Variants in ASPRV1 observed in about 807,000 individuals in gnomAD.
The protein encoded by ASPRV1 is retroviral-like aspartic protease 1.
In ASPRV1, 7 loss-of-function variants were observed where a neutral mutation model predicts 11.0. That is an observed-to-expected ratio of 0.64 (90% CI 0.36 to 1.20). The LOEUF is 1.20. ASPRV1 is among the 50% of genes most tolerant of loss of function. The pLI is 0.02. For missense variants in ASPRV1, 299 were observed against 320.0 expected, an observed-to-expected ratio of 0.93 and a Z score of 0.50; for synonymous variants, 136 against 138.4, an observed-to-expected ratio of 0.98 and a Z score of 0.12.
chr2:69,991,213 G>A, the ASPRV1 span, among the ~76,000 whole-genome samples: 2 of 152,120 alleles, frequency 1.3e-5, no homozygotes, highest in Non-Finnish European at 2.9e-5. Context: ...ACGGGCAGTT[G>A]GCCCAAGAAG....
At chr2:69,953,701 T>A in the ASPRV1 span, among the ~76,000 whole-genome samples, 1 of 140,196 alleles carries the variant, frequency 7.1e-6, no homozygotes, top group African/African-American at 2.9e-5. Context: ...ATTTTCTTTT[T>A]TTTTCTTTTT....
chr2:70,080,785 A>T, the ASPRV1 span: 1 of 152,234 alleles, frequency 6.6e-6, no homozygotes, highest in African/African-American at 2.4e-5. Context: ...AACATCCTTC[A>T]TTCATATCTT....
the ASPRV1 span, among the ~76,000 whole-genome samples, chr2:70,055,146 T>C: frequency 1.3e-5 from 2 of 151,802 alleles, no homozygotes; most frequent in African/African-American, 4.8e-5. Flanking sequence ...CTATTAAAAA[T>C]ACAAAAATTA....
At chr2:69,943,254 G>T in the ASPRV1 span, among the ~76,000 whole-genome samples, 1 of 152,222 alleles carries the variant, frequency 6.6e-6, no homozygotes, top group Non-Finnish European at 1.5e-5. Flanking sequence ...GATGCAGGCT[G>T]TAAGCACTGC....
At chr2:70,068,944 C>CT in the ASPRV1 span, among the ~76,000 whole-genome samples, 1 of 66,916 alleles carries the variant, frequency 1.5e-5, no homozygotes. Flanking sequence ...AAACTCTTGT[C>CT]TCAAAAAAAA....
upstream of ASPRV1, among the ~76,000 whole-genome samples, chr2:69,963,659 T>C (rs566137359): frequency 6.6e-6 from 1 of 152,316 alleles, no homozygotes; most frequent in South Asian, 2.1e-4. Context: ...GCCCTTAGAC[T>C]AGAAATCGGT....
At chr2:70,021,531 G>A in the ASPRV1 span, among the ~76,000 whole-genome samples, 3 of 151,754 alleles carry the variant, frequency 2.0e-5, no homozygotes, top group Middle Eastern at 3.4e-3. Flanking sequence ...TGTTAGCCAG[G>A]ATGGTCTCCA....
At chr2:69,964,330 G>A (rs1305213973), upstream of ASPRV1, 3 of 455,860 alleles carry the variant, frequency 6.6e-6, no homozygotes, top group Middle Eastern at 3.3e-4. Context: ...TTCCCTCTGG[G>A]ACCTCCACAA....
chr2:70,020,642 T>C, the ASPRV1 span, among the ~76,000 whole-genome samples: 4 of 152,162 alleles, frequency 2.6e-5, no homozygotes, highest in African/African-American at 7.2e-5. Flanking sequence ...CTTGGGAGGC[T>C]GAGGCAGGAG....
the ASPRV1 span, among the ~76,000 whole-genome samples, chr2:70,067,963 T>C: frequency 6.6e-6 from 1 of 152,252 alleles, no homozygotes. Context: ...AAATTCTCTC[T>C]GTCCTTCCCA....
the ASPRV1 span, among the ~76,000 whole-genome samples, chr2:69,967,201 G>A: frequency 1.3e-5 from 2 of 152,134 alleles, no homozygotes; most frequent in South Asian, 2.1e-4. Flanking sequence ...TCAGACCTGC[G>A]CCCTACCCTC....
At chr2:69,980,453 T>C in the ASPRV1 span, among the ~76,000 whole-genome samples, 1 of 152,210 alleles carries the variant, frequency 6.6e-6, no homozygotes. Context: ...GATTTTCAAG[T>C]GTACATGCAC....
the ASPRV1 span, chr2:70,028,697 G>C: frequency 1.3e-5 from 2 of 152,226 alleles, no homozygotes; most frequent in Non-Finnish European, 2.9e-5. Flanking sequence ...CACAAGACTG[G>C]GTTCCTGATA....
chr2:69,962,417 G>A (rs1207291596), upstream of ASPRV1: 2 of 152,316 alleles, frequency 1.3e-5, no homozygotes, highest in Admixed American at 6.5e-5. Context: ...CCTTCCCCAG[G>A]CACTGCAGCA....
chr2:70,082,320 G>C, the ASPRV1 span, among the ~76,000 whole-genome samples: 5 of 152,174 alleles, frequency 3.3e-5, no homozygotes, highest in South Asian at 1.0e-3. Context: ...AGAAATCCCA[G>C]GACTTTGGGA....
the ASPRV1 span, chr2:69,938,212 T>G: frequency 1.2e-6 from 2 of 1,614,182 alleles, no homozygotes; most frequent in Non-Finnish European, 1.7e-6. Context: ...TCGGCAGTGA[T>G]GAGGGCTATT....
the ASPRV1 span, among the ~76,000 whole-genome samples, chr2:70,082,450 C>T: frequency 6.6e-6 from 1 of 152,072 alleles, no homozygotes; most frequent in South Asian, 2.1e-4. Flanking sequence ...GTGGCTCACA[C>T]CTATAATCCC....
chr2:69,995,745 G>C, the ASPRV1 span, among the ~76,000 whole-genome samples: 1 of 152,170 alleles, frequency 6.6e-6, no homozygotes, highest in South Asian at 2.1e-4. Context: ...GGTGGGAAGA[G>C]CAGGAAGAAG....
the ASPRV1 span, chr2:69,995,247 G>C: frequency 5.3e-5 from 8 of 151,450 alleles, no homozygotes; most frequent in Non-Finnish European, 1.0e-4. Context: ...AAATTAGCCA[G>C]GCGTGGTGAC....
Sources: gnomAD v4.1 joint callset for allele counts (sites outside exome capture counted in the v4.1 genomes callset) on GRCh38, gnomAD v4.1.1 for gene constraint, MANE v1.5 for transcripts, NCBI Gene and HGNC (gene_info 2026-07-23, HGNC 2026-07-21) for gene names.